TADA2A: variants seen among roughly 807,000 people sequenced by gnomAD.
TADA2A encodes the protein transcriptional adapter 2-alpha.
Under a neutral mutation model 67.4 loss-of-function variants are expected in TADA2A, and 38 were observed. The observed-to-expected ratio is 0.56, with a 90% CI of 0.44 to 0.74. The LOEUF (loss-of-function observed/expected upper bound fraction) is 0.74, where lower values mean the gene tolerates loss of function less well. Ranked by LOEUF, TADA2A falls within the 30% of genes least tolerant of loss-of-function variation. The pLI is 0.00. For missense variants in TADA2A, 454 were observed against 547.0 expected, an observed-to-expected ratio of 0.83 and a Z score of 1.70; for synonymous variants, 192 against 181.6, an observed-to-expected ratio of 1.06 and a Z score of -0.46.
At chr17:37,410,125 C>A (rs1208642934) in intron 1 of TADA2A, among the ~76,000 whole-genome samples, 1 of 152,028 alleles carries the variant, frequency 6.6e-6, no homozygotes, top group Non-Finnish European at 1.5e-5. Flanking sequence ...ATGAGAATCC[C>A]TTGAACCTGG....
chr17:37,417,508 T>C (rs1403459777), intron 2 of TADA2A, among the ~76,000 whole-genome samples: 4 of 152,066 alleles, frequency 2.6e-5, no homozygotes, highest in Non-Finnish European at 4.4e-5. Context: ...GGAAATAAAA[T>C]ACATAAGACA....
At chr17:37,443,850 T>A (rs192347110) in intron 7 of TADA2A, among the ~76,000 whole-genome samples, 8 of 152,298 alleles carry the variant, frequency 5.3e-5, no homozygotes, top group Non-Finnish European at 7.4e-5. Context: ...GATGAATGTG[T>A]ATAAAAACTA....
chr17:37,411,410 G>A lies in TADA2A; in HGVS notation c.25+20G>A. 1.2e-6 allele frequency: 2 copies of A among 1,610,122 alleles called. No homozygotes were observed. The highest frequency in any genetic ancestry group is 1.7e-6 in the Non-Finnish European group (2 of 1,176,630). On this transcript the variant is annotated intron_variant, in intron 2 of 15. Coordinates refer to ENST00000615182, the MANE Select transcript of TADA2A (RefSeq NM_001166105.3). ...TTAGCAGTAAGTACAGTGGGAACAAGTCTCAGGTGACTTATTATTATTTTT... is the reference window on the plus strand; with the variant it reads ...TTAGCAGTAAGTACAGTGGGAACAAATCTCAGGTGACTTATTATTATTTTT...
chr17:37,467,171 T>A (rs569722878), intron 11 of TADA2A, among the ~76,000 whole-genome samples: 29 of 151,994 alleles, frequency 1.9e-4, no homozygotes, highest in African/African-American at 6.8e-4. Context: ...AAAAAAAAAA[T>A]TGTTACTTTT....
chr17:37,466,907 G>C (rs1597940600), intron 11 of TADA2A, among the ~76,000 whole-genome samples: 1 of 152,156 alleles, frequency 6.6e-6, no homozygotes, highest in South Asian at 2.1e-4. Flanking sequence ...TATAATGCCA[G>C]CTACTTTGGA....
rs143738207 is a variant in TADA2A at position 37,474,569 on chromosome 17, A to C, written c.1086A>C (p.Ala362=). 7 of 1,613,596 alleles carry C rather than the reference A, an allele frequency of 4.3e-6. No homozygotes were observed. In the African/African-American group the frequency reaches 9.3e-5, roughly 22 times the overall value. The part of the protein sequence containing the change: ...PMASNSGRRS[A]PPLNLTGLPG... ...CTCTGTCTATAGGTAGACGGAGTGC[A>C]CCACCCTTGAACCTCACTGGCCTCC... Residue 362 remains alanine, a synonymous_variant, in exon 15 of 16, where the codon GCA becomes GCC. Transcript: ENST00000615182.
At chr17:37,408,566 G>A (rs2051738979) in intron 1 of TADA2A, 1 of 152,146 alleles carries the variant, frequency 6.6e-6, no homozygotes, top group African/African-American at 2.4e-5. Context: ...ATCTGTATTT[G>A]AAATGACACA....
intron 4 of TADA2A, among the ~76,000 whole-genome samples, chr17:37,433,003 A>G (rs187769375): frequency 2.3e-5 from 3 of 132,120 alleles, no homozygotes; most frequent in African/African-American, 8.6e-5. Flanking sequence ...ACACATTTCA[A>G]TTTTCCAATT....
At position 37,413,313 on chromosome 17, in the gene TADA2A, A is replaced by C. The variant is rs566265396; in HGVS notation, c.25+1923A>C. Among the ~76,000 whole-genome samples, 182 of 152,218 alleles carry C rather than the reference A, an allele frequency of 1.2e-3. 1 individual carries two copies. Among genetic ancestry groups the C allele is most frequent in the Non-Finnish European group, 2.1e-3 (140 of 68,042 alleles). On this transcript the variant is annotated intron_variant, in intron 2 of 15. Transcript: ENST00000615182. ...TTAGGAGAGAATGGAGTCTTCAGACACATCTAGTTCAACTCTTTCATTTTA... is the reference window on the plus strand; with the variant it reads ...TTAGGAGAGAATGGAGTCTTCAGACCCATCTAGTTCAACTCTTTCATTTTA...
At chr17:37,437,956 G>A in intron 5 of TADA2A, 127 bp downstream of exon 5, 1 of 849,258 alleles carries the variant, frequency 1.2e-6, no homozygotes, top group African/African-American at 1.7e-5. Context: ...CCATGATTTA[G>A]AGGCAAGTTA....
rs573822672 is a variant in TADA2A at position 37,435,366 on chromosome 17, G to A, written c.193-2372G>A. On this transcript the variant is annotated intron_variant, in intron 4 of 15. Transcript: ENST00000615182. ...TGCAGTGGCGCCATCTCGGCTCACCGCAAGCTCCACCTCCCGGGTTCACGC... is the reference window on the plus strand; with the variant it reads ...TGCAGTGGCGCCATCTCGGCTCACCACAAGCTCCACCTCCCGGGTTCACGC... Among the ~76,000 whole-genome samples the A allele has an allele frequency of 3.4e-4, 51 of 152,220 alleles. No individual in the cohort carries two copies. In the South Asian group the frequency reaches 8.1e-3, roughly 24 times the overall value.
At chr17:37,426,803 C>A in intron 3 of TADA2A, 147 bp from the exon 4 acceptor site, 2 of 627,274 alleles carry the variant, frequency 3.2e-6, no homozygotes, top group Non-Finnish European at 5.5e-6. Context: ...TATGATGGTG[C>A]CACTGCACTT....
At chr17:37,454,719 C>T in intron 8 of TADA2A, 1 of 345,402 alleles carries the variant, frequency 2.9e-6, no homozygotes, top group South Asian at 3.1e-5. Flanking sequence ...TTCCAGAAGG[C>T]CATTACTGGT....
At chr17:37,418,710 G>A (rs1568132807) in intron 2 of TADA2A, among the ~76,000 whole-genome samples, 2 of 151,062 alleles carry the variant, frequency 1.3e-5, no homozygotes, top group African/African-American at 2.4e-5. Context: ...TCCTGCCTCA[G>A]CCTCCTGAGT....
intron 5 of TADA2A, among the ~76,000 whole-genome samples, chr17:37,440,050 TCTC>T (rs1317657299): frequency 5.3e-5 from 8 of 151,578 alleles, no homozygotes; most frequent in Non-Finnish European, 8.8e-5. Flanking sequence ...TTCAAGCAAT[TCTC>T]CTGCCTCAGC....
intron 4 of TADA2A, among the ~76,000 whole-genome samples, chr17:37,434,622 A>G (rs2052667576): frequency 6.6e-6 from 1 of 152,204 alleles, no homozygotes; most frequent in Non-Finnish European, 1.5e-5. Context: ...CATTGTCTGG[A>G]TCTGCTAATT....
At chr17:37,418,486 T>C (rs1490536921) in intron 2 of TADA2A, among the ~76,000 whole-genome samples, 1 of 152,160 alleles carries the variant, frequency 6.6e-6, no homozygotes, top group Non-Finnish European at 1.5e-5. Context: ...AATGGAATGT[T>C]ATTTATCCAT....
At chr17:37,436,153 CTA>C (rs2052719143) in intron 4 of TADA2A, among the ~76,000 whole-genome samples, 2 of 152,058 alleles carry the variant, frequency 1.3e-5, no homozygotes, top group Non-Finnish European at 2.9e-5. Context: ...TACACATACA[CTA>C]ATCTCAAAAT....
chr17:37,457,303 C>G (rs1243109018), intron 8 of TADA2A, among the ~76,000 whole-genome samples: 1 of 150,960 alleles, frequency 6.6e-6, no homozygotes, highest in Non-Finnish European at 1.5e-5. Context: ...GCCTCAGCCT[C>G]CCGAGTAGCT....
Sources: allele counts gnomAD v4.1 joint callset (sites outside exome capture counted in the v4.1 genomes callset), GRCh38; gene constraint gnomAD v4.1.1; transcripts MANE v1.5; gene names NCBI Gene and HGNC (gene_info 2026-07-23, HGNC 2026-07-21).